The following DMD variants were observed in gnomAD, a reference collection of about 807,000 sequenced individuals.
DMD encodes the protein dystrophin, also known as mutant dystrophin.
DMD carries 63 observed loss-of-function variants against 330.1 expected under a neutral mutation model. The ratio of observed to expected loss-of-function variants is 0.19; its 90% CI spans 0.16 to 0.24. DMD has a LOEUF of 0.24. DMD is among the 10% of genes least tolerant of loss of function. DMD has a pLI of 1.00. For synonymous variants in DMD, 1,223 were observed against 959.8 expected (o/e 1.27, Z -5.07); for missense variants, 3,344 against 2,684.1 (o/e 1.25, Z -5.43).
chrX:33,230,580 T>C (rs1337355645), intron 1 of DMD, among the ~76,000 whole-genome samples: 1 of 111,445 alleles, frequency 9.0e-6, no homozygotes, highest in Admixed American at 9.6e-5. Context: ...CAACATGGAA[T>C]AATAGATTTT....
chrX:32,874,923 G>C (rs1020181771), intron 2 of DMD, among the ~76,000 whole-genome samples: 9 of 111,611 alleles, frequency 8.1e-5, no homozygotes, highest in African/African-American at 1.3e-4. Flanking sequence ...AAGTGAATCT[G>C]TCTTGAACCC....
At chrX:31,551,194 A>T (rs2074466792) in intron 55 of DMD, among the ~76,000 whole-genome samples, 1 of 109,340 alleles carries the variant, frequency 9.1e-6, no homozygotes, top group African/African-American at 3.3e-5. Flanking sequence ...AAAAAAAAAA[A>T]AAAGAGGTAT....
intron 4 of DMD, among the ~76,000 whole-genome samples, chrX:32,842,817 T>A (rs190792546): frequency 1.3e-3 from 149 of 110,385 alleles, no homozygotes; most frequent in Middle Eastern, 4.6e-3. Flanking sequence ...TATTATTATT[T>A]TTTTTTTTGA....
At chrX:32,489,771 T>A (rs2042821869) in intron 20 of DMD, among the ~76,000 whole-genome samples, 1 of 111,977 alleles carries the variant, frequency 8.9e-6, no homozygotes, top group African/African-American at 3.2e-5. Context: ...AAGAATCGGA[T>A]AAGGTAACAT....
intron 1 of DMD, among the ~76,000 whole-genome samples, chrX:33,338,029 G>C (rs1045101124): frequency 6.2e-5 from 7 of 112,054 alleles, no homozygotes; most frequent in African/African-American, 2.3e-4. Context: ...GAAAGATTCT[G>C]TATTACATAG....
chrX:32,880,706 C>A (rs754681734), intron 2 of DMD, among the ~76,000 whole-genome samples: 1 of 112,354 alleles, frequency 8.9e-6, no homozygotes, highest in Non-Finnish European at 1.9e-5. Flanking sequence ...GCACTTTAGA[C>A]GGCCGAGGTG....
At position 32,151,117 on chromosome X, in the gene DMD, G is replaced by T. The variant is rs1331269064; in HGVS notation, c.6438+65799C>A. Among the ~76,000 whole-genome samples, 3 of 111,795 alleles carry T rather than the reference G, an allele frequency of 2.7e-5. 1 individual carries two copies. The highest frequency in any genetic ancestry group is 9.2e-3 in the Middle Eastern group (2 of 217). On this transcript the variant is annotated intron_variant, in intron 44 of 78. Coordinates refer to ENST00000357033, the MANE Select transcript of DMD (RefSeq NM_004006.3). ...AAGAAAGTTTAAAAAAAGAAAAATT[G>T]AAGTTATTTTAGAACAGATCAAACT...
chrX:31,503,002 A>G (rs929165355), intron 56 of DMD, among the ~76,000 whole-genome samples: 1 of 111,654 alleles, frequency 9.0e-6, no homozygotes, highest in African/African-American at 3.2e-5. Context: ...GTTTTGTTTG[A>G]TGGAACTTAA....
chrX:32,116,367 ATATGTGTATG>A (rs2096610914), intron 44 of DMD, among the ~76,000 whole-genome samples: 4 of 112,379 alleles, frequency 3.6e-5, no homozygotes, highest in Non-Finnish European at 7.5e-5. Context: ...ATCTGAAATC[ATATGTGTATG>A]CATATAATAA....
At chrX:32,887,745 C>CAAAAAAAAAAAAAAAAAAA (rs771100080) in intron 2 of DMD, among the ~76,000 whole-genome samples, 7 of 6,493 alleles carry the variant, frequency 1.1e-3, no homozygotes, top group African/African-American at 1.3e-3. Flanking sequence ...AAGACTGTCT[C>CAAAAAAAAAAAAAAAAAAA]AAAAAAAAAA....
chrX:32,383,253 T>A (rs907731882), intron 33 of DMD, among the ~76,000 whole-genome samples: 1 of 110,800 alleles, frequency 9.0e-6, no homozygotes, highest in African/African-American at 3.3e-5. Context: ...ACTCCACACT[T>A]GCAGAAATCA....
In DMD at chrX:31,971,270, T is replaced by C. The variant is rs148133628; in HGVS notation, c.6439-2756A>G. ...CTATAAACTAATGCTGCAGCATTTT[T>C]ATCTCAGCCTCTTTGCTTTGTAGTT... is the stretch of plus-strand genomic sequence containing the variant. On this transcript the variant is annotated intron_variant, in intron 44 of 78. Transcript: ENST00000357033. Among the ~76,000 whole-genome samples the C allele has an allele frequency of 7.8e-3, 877 of 112,237 alleles. 15 individuals carry two copies. Among genetic ancestry groups the C allele is most frequent in the African/African-American group, 0.026 (811 of 30,931 alleles).
intron 41 of DMD, among the ~76,000 whole-genome samples, chrX:32,327,906 ATAAAG>A (rs924645025): frequency 2.7e-5 from 3 of 111,940 alleles, no homozygotes; most frequent in Non-Finnish European, 3.8e-5. Flanking sequence ...TACAACAGAA[ATAAAG>A]TATTTTACCA....
intron 43 of DMD, among the ~76,000 whole-genome samples, chrX:32,287,318 G>A (rs765124534): frequency 1.6e-4 from 18 of 111,499 alleles, no homozygotes; most frequent in South Asian, 3.8e-4. Flanking sequence ...TCAACATAAC[G>A]CTAAATTTAA....
intron 51 of DMD, among the ~76,000 whole-genome samples, chrX:31,758,086 G>T (rs182515654): frequency 9.0e-6 from 1 of 110,675 alleles, no homozygotes; most frequent in East Asian, 2.8e-4. Context: ...CAATCTCAGG[G>T]TATGCTTCCC....
chrX:33,149,065 G>A (rs1156816216), intron 1 of DMD, among the ~76,000 whole-genome samples: 1 of 110,391 alleles, frequency 9.1e-6, no homozygotes, highest in Non-Finnish European at 1.9e-5. Context: ...GTGAGGGATA[G>A]TGTTAAGATA....
intron 44 of DMD, among the ~76,000 whole-genome samples, chrX:32,061,886 G>A (rs766276876): frequency 1.2e-4 from 13 of 111,214 alleles, no homozygotes; most frequent in Admixed American, 6.7e-4. Context: ...ACCAATGTAC[G>A]GAGGCCAGAA....
intron 61 of DMD, among the ~76,000 whole-genome samples, chrX:31,335,013 C>G (rs1200641165): frequency 8.9e-6 from 1 of 112,154 alleles, no homozygotes; most frequent in Non-Finnish European, 1.9e-5. Context: ...CCTGACCACT[C>G]CACTAAAAGG....
chrX:31,682,689 A>G (rs2082448330), intron 52 of DMD, among the ~76,000 whole-genome samples: 1 of 112,244 alleles, frequency 8.9e-6, no homozygotes, highest in South Asian at 3.7e-4. Flanking sequence ...TTCCTTAAAA[A>G]TAGTCTCTGA....
Sources: gnomAD v4.1 joint callset for allele counts (sites outside exome capture counted in the v4.1 genomes callset) on GRCh38, gnomAD v4.1.1 for gene constraint, MANE v1.5 for transcripts, NCBI Gene and HGNC (gene_info 2026-07-23, HGNC 2026-07-21) for gene names.